The following DACH1 variants were observed in gnomAD, a reference collection of about 807,000 sequenced individuals.
The protein encoded by DACH1 is dachshund homolog 1.
DACH1 carries 12 observed loss-of-function variants against 54.2 expected under a neutral mutation model. The observed-to-expected ratio is 0.22, with a 90% CI of 0.14 to 0.36. The LOEUF is 0.36. DACH1 is among the 10% of genes least tolerant of loss of function. The pLI is 1.00. For synonymous variants in DACH1, 386 were observed against 366.2 expected (o/e 1.05, Z -0.62); for missense variants, 805 against 929.8 (o/e 0.87, Z 1.75).
chr13:71,446,834 A>C (rs933792079), intron 10 of DACH1, among the ~76,000 whole-genome samples: 5 of 152,218 alleles, frequency 3.3e-5, no homozygotes, highest in Non-Finnish European at 5.9e-5. Context: ...TAGAATTCTT[A>C]CAGCGTAGTT....
intron 6 of DACH1, among the ~76,000 whole-genome samples, chr13:71,532,607 T>C (rs542656888): frequency 6.6e-6 from 1 of 152,080 alleles, no homozygotes; most frequent in East Asian, 1.9e-4. Context: ...GGCGTAAACC[T>C]AGCTAATGTG....
intron 1 of DACH1, among the ~76,000 whole-genome samples, chr13:71,718,813 T>C (rs1883102462): frequency 6.6e-6 from 1 of 152,150 alleles, no homozygotes; most frequent in South Asian, 2.1e-4. Context: ...TTGTTTCTTT[T>C]CCATTTGTTT....
chr13:71,784,453 A>G (rs1342019121), intron 1 of DACH1, among the ~76,000 whole-genome samples: 1 of 152,130 alleles, frequency 6.6e-6, no homozygotes, highest in Admixed American at 6.6e-5. Context: ...CTGAATTGGT[A>G]TACAACAATG....
At chr13:71,809,190 T>G (rs1887619286) in intron 1 of DACH1, among the ~76,000 whole-genome samples, 1 of 152,154 alleles carries the variant, frequency 6.6e-6, no homozygotes, top group African/African-American at 2.4e-5. Flanking sequence ...AACAAATATG[T>G]GAAAAGAAAA....
chr13:71,683,247 T>C (rs2138705281), intron 1 of DACH1, among the ~76,000 whole-genome samples: 1 of 152,142 alleles, frequency 6.6e-6, no homozygotes, highest in Admixed American at 6.5e-5. Flanking sequence ...ATGATGCAAA[T>C]TGTAAAGTGC....
chr13:71,672,634 TA>T (rs550299744), intron 2 of DACH1, among the ~76,000 whole-genome samples: 51 of 152,100 alleles, frequency 3.4e-4, no homozygotes, highest in African/African-American at 1.1e-3. Context: ...GAAATAAAAA[TA>T]AAAAAAGTTT....
chr13:71,801,877 T>C (rs987355025), intron 1 of DACH1, among the ~76,000 whole-genome samples: 1 of 150,396 alleles, frequency 6.6e-6, no homozygotes, highest in East Asian at 1.9e-4. Context: ...TTCCAAAGGT[T>C]TGGAATCCTG....
intron 6 of DACH1, among the ~76,000 whole-genome samples, chr13:71,529,183 G>GTTTTTTTTTTGTTTGTTTTTTTT (rs1299574030): frequency 2.5e-5 from 2 of 80,980 alleles, no homozygotes; most frequent in African/African-American, 8.7e-5. Context: ...TGTGATTTGG[G>GTTTTTTTTTTGTTTGTTTTTTTT]TTTTTTTTTT....
intron 6 of DACH1, among the ~76,000 whole-genome samples, chr13:71,496,302 T>C (rs1416569674): frequency 7.4e-5 from 8 of 108,408 alleles, no homozygotes; most frequent in African/African-American, 1.7e-4. Flanking sequence ...TATATATATA[T>C]ATATACACAC....
Position 71,670,682 on chromosome 13 carries a change from A to G in DACH1, c.964+11113T>C, listed in dbSNP as rs554499785. Among the ~76,000 whole-genome samples the G allele has an allele frequency of 2.0e-5, 3 of 152,178 alleles. No individual in the cohort carries two copies. In the South Asian group the frequency reaches 6.2e-4, roughly 32 times the overall value. On this transcript the variant is annotated intron_variant, in intron 2 of 10. Coordinates refer to ENST00000613252, the MANE Select transcript of DACH1 (RefSeq NM_080759.6). ...GTTATTAACTTTATTTTTAAATCCA[A>G]TGGAGTTGATTTGAGCAAAGAAAGT...
At chr13:71,850,145 C>T (rs1202409545) in intron 1 of DACH1, among the ~76,000 whole-genome samples, 1 of 152,208 alleles carries the variant, frequency 6.6e-6, no homozygotes, top group Non-Finnish European at 1.5e-5. Flanking sequence ...TACATCAGTA[C>T]ATTTGGTACA....
At chr13:71,775,194 T>C (rs1886017145) in intron 1 of DACH1, among the ~76,000 whole-genome samples, 1 of 132,212 alleles carries the variant, frequency 7.6e-6, no homozygotes, top group Non-Finnish European at 1.6e-5. Flanking sequence ...TCCTACCTAC[T>C]CAGGAGGCTG....
chr13:71,745,418 A>G (rs1194703198), intron 1 of DACH1, among the ~76,000 whole-genome samples: 2 of 152,238 alleles, frequency 1.3e-5, no homozygotes, highest in African/African-American at 4.8e-5. Flanking sequence ...AAGAAAAGCA[A>G]TAATTTCTTG....
Position 71,685,940 on chromosome 13 carries a change from C to G in DACH1, c.849-4030G>C, listed in dbSNP as rs182614203. ...ATAAGTTATTCTTAAAAAGAAAATACTTAGAAAAACAAAAACTTAACTGAA... is the reference window on the plus strand; with the variant it reads ...ATAAGTTATTCTTAAAAAGAAAATAGTTAGAAAAACAAAAACTTAACTGAA... On this transcript the variant is annotated intron_variant, in intron 1 of 10. Transcript: ENST00000613252. 5.1e-3 allele frequency among the ~76,000 whole-genome samples: 778 copies of G among 152,098 alleles called. 1 individual carries two copies. The highest frequency in any genetic ancestry group is 8.4e-3 in the Non-Finnish European group (569 of 67,996).
intron 6 of DACH1, among the ~76,000 whole-genome samples, chr13:71,544,132 A>G (rs1046064062): frequency 2.6e-5 from 4 of 152,150 alleles, no homozygotes; most frequent in African/African-American, 9.6e-5. Context: ...AAAGCACTCA[A>G]CTGCCTATGA....
intron 10 of DACH1, among the ~76,000 whole-genome samples, chr13:71,467,291 T>C (rs891398596): frequency 9.4e-5 from 13 of 138,294 alleles, no homozygotes; most frequent in African/African-American, 3.0e-4. Context: ...TAGGTGAGAA[T>C]TGAACAATGA....
At chr13:71,577,513 G>A (rs1429859315) in intron 3 of DACH1, among the ~76,000 whole-genome samples, 1 of 152,148 alleles carries the variant, frequency 6.6e-6, no homozygotes, top group Non-Finnish European at 1.5e-5. Flanking sequence ...ATGGAGTCTG[G>A]AGTGATAGTT....
chr13:71,571,123 C>T (rs186812547), intron 4 of DACH1, among the ~76,000 whole-genome samples: 134 of 152,092 alleles, frequency 8.8e-4, no homozygotes, highest in African/African-American at 1.7e-3. Context: ...GTAAATCTTA[C>T]CTAAATGAGA....
intron 1 of DACH1, among the ~76,000 whole-genome samples, chr13:71,740,577 T>C (rs1358162367): frequency 6.6e-6 from 1 of 152,100 alleles, no homozygotes; most frequent in Non-Finnish European, 1.5e-5. Context: ...AGAAAAAAAT[T>C]GTTTATGTTA....
Sources: gnomAD v4.1 joint callset for allele counts (sites outside exome capture counted in the v4.1 genomes callset) on GRCh38, gnomAD v4.1.1 for gene constraint, MANE v1.5 for transcripts, NCBI Gene and HGNC (gene_info 2026-07-23, HGNC 2026-07-21) for gene names.